Variants in KCNN2 observed in about 807,000 individuals in gnomAD.
KCNN2 encodes the protein potassium calcium-activated channel subfamily N member 2.
Under a neutral mutation model 55.5 loss-of-function variants are expected in KCNN2, and 24 were observed. That is an observed-to-expected ratio of 0.43 (90% CI 0.31 to 0.61). KCNN2 has a LOEUF of 0.61. KCNN2 is among the 20% of genes least tolerant of loss of function. The pLI, the probability that KCNN2 is intolerant of heterozygous loss-of-function variation, is 0.08. For missense variants in KCNN2, 754 were observed against 853.6 expected, an observed-to-expected ratio of 0.88 and a Z score of 1.45; for synonymous variants, 431 against 336.1, an observed-to-expected ratio of 1.28 and a Z score of -3.09.
At chr5:114,162,928 T>C (rs1323630089) in intron 1 of KCNN2, among the ~76,000 whole-genome samples, 1 of 152,140 alleles carries the variant, frequency 6.6e-6, no homozygotes, top group Non-Finnish European at 1.5e-5. Flanking sequence ...GGAAAGGGAC[T>C]TCCCTGCCCC....
At chr5:114,435,041 C>T (rs1386268049) in intron 3 of KCNN2, among the ~76,000 whole-genome samples, 1 of 152,030 alleles carries the variant, frequency 6.6e-6, no homozygotes, top group East Asian at 1.9e-4. Flanking sequence ...GATCTTTATC[C>T]TAAGATCCTA....
intron 5 of KCNN2, among the ~76,000 whole-genome samples, chr5:114,476,221 C>T (rs1054260280): frequency 1.4e-5 from 2 of 143,944 alleles, no homozygotes; most frequent in Admixed American, 7.2e-5. Context: ...TGATATTCCC[C>T]TTCCTGTGTC....
intron 1 of KCNN2, among the ~76,000 whole-genome samples, chr5:114,192,285 A>T (rs1381326701): frequency 2.0e-5 from 3 of 152,190 alleles, no homozygotes; most frequent in Non-Finnish European, 2.9e-5. Flanking sequence ...TGCTTCAGTG[A>T]CACATGATGA....
intron 5 of KCNN2, among the ~76,000 whole-genome samples, chr5:114,476,423 G>GCTGA (rs1050358454): frequency 5.9e-5 from 9 of 151,764 alleles, no homozygotes; most frequent in African/African-American, 2.2e-4. Flanking sequence ...TAGTAGGCTT[G>GCTGA]CTGACAGATC....
chr5:114,105,689 A>G (rs547140454), intron 1 of KCNN2, among the ~76,000 whole-genome samples: 24 of 152,150 alleles, frequency 1.6e-4, no homozygotes, highest in Admixed American at 7.2e-4. Flanking sequence ...ATGGATTATC[A>G]TATTTGCTTT....
At chr5:114,238,076 G>C (rs1754540935) in intron 2 of KCNN2, among the ~76,000 whole-genome samples, 2 of 152,164 alleles carry the variant, frequency 1.3e-5, no homozygotes, top group Non-Finnish European at 2.9e-5. Context: ...TGAATATCTG[G>C]ACTCAGTAAG....
chr5:114,090,471 T>C (rs1057298002), intron 1 of KCNN2, among the ~76,000 whole-genome samples: 19 of 151,932 alleles, frequency 1.3e-4, no homozygotes, highest in African/African-American at 4.6e-4. Flanking sequence ...GGTTTATGTG[T>C]TCTACAGGAA....
chr5:114,133,085 T>C (rs1388710787), intron 1 of KCNN2, among the ~76,000 whole-genome samples: 2 of 152,168 alleles, frequency 1.3e-5, no homozygotes, highest in Non-Finnish European at 2.9e-5. Flanking sequence ...TTTTTTGTGG[T>C]TTTACTGAGC....
At chr5:114,128,990 A>G (rs1478805184) in intron 1 of KCNN2, among the ~76,000 whole-genome samples, 2 of 152,210 alleles carry the variant, frequency 1.3e-5, no homozygotes, top group Non-Finnish European at 2.9e-5. Flanking sequence ...CAGATAGTAC[A>G]TTCAAATTAG....
chr5:114,328,154 T>G (rs1756746260), intron 2 of KCNN2, among the ~76,000 whole-genome samples: 1 of 152,188 alleles, frequency 6.6e-6, no homozygotes, highest in Admixed American at 6.5e-5. Flanking sequence ...TGGCTTTTGT[T>G]TTTTTGGTGA....
chr5:114,286,424 A>G (rs1381545249), intron 2 of KCNN2, among the ~76,000 whole-genome samples: 1 of 152,218 alleles, frequency 6.6e-6, no homozygotes, highest in East Asian at 1.9e-4. Context: ...CATCAAAGAA[A>G]AAGTAGAAGT....
At chr5:114,185,822 A>G (rs928450400) in intron 1 of KCNN2, among the ~76,000 whole-genome samples, 5 of 151,200 alleles carry the variant, frequency 3.3e-5, no homozygotes, top group African/African-American at 9.7e-5. Flanking sequence ...CATTAGGACA[A>G]TCTTATGAAA....
intron 1 of KCNN2, among the ~76,000 whole-genome samples, chr5:114,173,438 TTGTGTGTGTGTGTGTGTG>T (rs61630138): frequency 7.7e-5 from 11 of 142,202 alleles, no homozygotes; most frequent in African/African-American, 2.3e-4. Flanking sequence ...TTTGTTTTGT[TTGTGTGTGTGTGTGTGTG>T]TGTGTGTGTG....
intron 1 of KCNN2, among the ~76,000 whole-genome samples, chr5:114,220,884 C>T (rs560390867): frequency 5.3e-5 from 8 of 150,410 alleles, no homozygotes; most frequent in Non-Finnish European, 7.4e-5. Flanking sequence ...GAAGATAGGT[C>T]GAAAAGTTCC....
At chr5:114,454,069 C>T (rs563066431) in intron 3 of KCNN2, among the ~76,000 whole-genome samples, 3 of 152,228 alleles carry the variant, frequency 2.0e-5, no homozygotes, top group Non-Finnish European at 4.4e-5. Context: ...TGAGAACATG[C>T]GGTGTTTGGT....
intron 2 of KCNN2, among the ~76,000 whole-genome samples, chr5:114,386,902 A>G (rs1580777929): frequency 6.6e-6 from 1 of 152,090 alleles, no homozygotes; most frequent in East Asian, 1.9e-4. Context: ...ACGTATGTAG[A>G]TTTTTGCTTT....
At chr5:114,203,531 C>G (rs1162022120) in intron 1 of KCNN2, among the ~76,000 whole-genome samples, 1 of 152,194 alleles carries the variant, frequency 6.6e-6, no homozygotes, top group Non-Finnish European at 1.5e-5. Context: ...CACTCTGCCA[C>G]ATCCCATCTC....
At chr5:114,365,677 C>A (rs1757579541) in intron 2 of KCNN2, among the ~76,000 whole-genome samples, 2 of 152,210 alleles carry the variant, frequency 1.3e-5, no homozygotes, top group South Asian at 4.1e-4. Context: ...GTGAATATTT[C>A]TTTTTCTGCA....
At chr5:114,213,840 C>G (rs1166504494) in intron 1 of KCNN2, among the ~76,000 whole-genome samples, 1 of 152,090 alleles carries the variant, frequency 6.6e-6, no homozygotes, top group Non-Finnish European at 1.5e-5. Flanking sequence ...GTAACCTCTA[C>G]TATATGAATT....
Sources: allele counts gnomAD v4.1 joint callset (sites outside exome capture counted in the v4.1 genomes callset), GRCh38; gene constraint gnomAD v4.1.1; transcripts MANE v1.5; gene names NCBI Gene and HGNC (gene_info 2026-07-23, HGNC 2026-07-21).